The following DNAH11 variants were observed in gnomAD, a reference collection of about 807,000 sequenced individuals.
The protein encoded by DNAH11 is axonemal beta dynein heavy chain 11.
In DNAH11, 442 loss-of-function variants were observed where a neutral mutation model predicts 526.0. The ratio of observed to expected loss-of-function variants is 0.84; its 90% confidence interval spans 0.78 to 0.91. The LOEUF (loss-of-function observed/expected upper bound fraction) is 0.91. Among genes scored for constraint, DNAH11 ranks in the 40% least tolerant of loss-of-function variants. The pLI is 0.00. For missense variants in DNAH11, 6,989 were observed against 5,448.7 expected, an observed-to-expected ratio of 1.28 and a Z score of -8.90; for synonymous variants, 2,461 against 1,935.9, an observed-to-expected ratio of 1.27 and a Z score of -7.12.
At chr7:21,669,969 C>G (rs1313245977) in intron 30 of DNAH11, among the ~76,000 whole-genome samples, 1 of 151,964 alleles carries the variant, frequency 6.6e-6, no homozygotes, top group African/African-American at 2.4e-5. Flanking sequence ...TTATATATAC[C>G]TTCCAACTTT....
intron 56 of DNAH11, 34 bp from the exon 57 acceptor site, chr7:21,778,924 G>T: frequency 6.2e-7 from 1 of 1,605,532 alleles, no homozygotes; most frequent in Non-Finnish European, 8.5e-7. Context: ...TGTGAACAAG[G>T]CCAGTGACGT....
In DNAH11 at chr7:21,890,130, G is replaced by T. The variant is rs1409579951; in HGVS notation, c.12508-2295G>T. ...AAATTCTTATGGCCACAACCATTAG[G>T]TTGCTGTTATGAGCAATATTTTACT... On this transcript the variant is annotated intron_variant, in intron 76 of 81. Coordinates refer to ENST00000409508, the MANE Select transcript of DNAH11 (RefSeq NM_001277115.2). Among the ~76,000 whole-genome samples the T allele has an allele frequency of 2.0e-5, 3 of 152,150 alleles. No individual in the cohort carries two copies. The South Asian group carries it at 6.2e-4, about 31-fold the overall frequency.
rs192467007 is a variant in DNAH11 at position 21,687,037 on chromosome 7, C to G, written c.5622-62C>G. The G allele has an allele frequency of 6.3e-4, 940 of 1,503,238 alleles. 5 individuals carry two copies. In the African/African-American group the frequency reaches 0.012, roughly 19 times the overall value. 93.1% of individuals were successfully genotyped at this position (1,503,238 alleles called of 1,614,324 possible). On this transcript the variant is annotated intron_variant, in intron 32 of 81. Coordinates refer to ENST00000409508, the MANE Select transcript of DNAH11 (RefSeq NM_001277115.2). ...TTAAACTTTTTTTCTAATGTATTGCCTCTGATGTTTTATGAAAATCTCATA... is the reference window on the plus strand; with the variant it reads ...TTAAACTTTTTTTCTAATGTATTGCGTCTGATGTTTTATGAAAATCTCATA...
At chr7:21,661,576 A>G (rs1782244144) in intron 30 of DNAH11, among the ~76,000 whole-genome samples, 3 of 152,060 alleles carry the variant, frequency 2.0e-5, no homozygotes, top group African/African-American at 7.2e-5. Flanking sequence ...GATAATTTTA[A>G]GATTTCTTTC....
At chr7:21,886,320 C>A (rs1784122934) in intron 76 of DNAH11, among the ~76,000 whole-genome samples, 1 of 151,830 alleles carries the variant, frequency 6.6e-6, no homozygotes, top group Non-Finnish European at 1.5e-5. Flanking sequence ...TAAAATACAC[C>A]AGGAAAACAT....
intron 56 of DNAH11, 73 bp from the exon 57 acceptor site, chr7:21,778,885 C>G: frequency 6.5e-7 from 1 of 1,533,842 alleles, no homozygotes; most frequent in Non-Finnish European, 8.9e-7. Context: ...TGAATTCATT[C>G]CCAGCAATAA....
At chr7:21,552,465 AT>A (rs1156922572) in intron 2 of DNAH11, among the ~76,000 whole-genome samples, 1 of 152,148 alleles carries the variant, frequency 6.6e-6, no homozygotes, top group African/African-American at 2.4e-5. Flanking sequence ...TGTCCTAAAT[AT>A]TTAACTTCTT....
chr7:21,751,704 C>T (rs998869526), intron 54 of DNAH11, among the ~76,000 whole-genome samples: 11 of 152,276 alleles, frequency 7.2e-5, no homozygotes, highest in Admixed American at 4.6e-4. Context: ...GGAGCAGAGT[C>T]ATTAAGTTTC....
chr7:21,628,521 T>C (rs1246854108), intron 25 of DNAH11, among the ~76,000 whole-genome samples: 1 of 152,180 alleles, frequency 6.6e-6, no homozygotes, highest in Non-Finnish European at 1.5e-5. Flanking sequence ...TTTTATCAAA[T>C]GTCTTTTTGA....
Position 21,552,564 on chromosome 7 carries a change from C to T in DNAH11, c.496-6238C>T, listed in dbSNP as rs187687262. Among the ~76,000 whole-genome samples the T allele has an allele frequency of 1.3e-3, 202 of 152,256 alleles. 1 individual carries two copies. Among genetic ancestry groups the T allele is most frequent in the Middle Eastern group, 6.8e-3 (2 of 294 alleles). ...AAGCTTATGGTGGTTTCTGATACCT[C>T]GGCCCTCTTCTCCCCAGAAATTAAA... is the stretch of plus-strand genomic sequence containing the variant. On this transcript the variant is annotated intron_variant, in intron 2 of 81. Transcript: ENST00000409508.
intron 41 of DNAH11, among the ~76,000 whole-genome samples, chr7:21,711,407 A>G (rs1184504768): frequency 6.6e-6 from 1 of 152,214 alleles, no homozygotes; most frequent in Non-Finnish European, 1.5e-5. Context: ...TCTAAAGAAA[A>G]GTTTATGGTA....
chr7:21,697,787 T>C (rs774747830), intron 35 of DNAH11, among the ~76,000 whole-genome samples: 11 of 152,212 alleles, frequency 7.2e-5, no homozygotes, highest in Non-Finnish European at 1.2e-4. Context: ...TTCCTCTTTC[T>C]GCAGTGACAA....
At chr7:21,591,634 G>A (rs578040712) in intron 14 of DNAH11, 57 bp downstream of exon 14, 2 of 1,434,166 alleles carry the variant, frequency 1.4e-6, no homozygotes, top group South Asian at 1.8e-5. Context: ...TCAGAGAAGA[G>A]CAAAAATCTT....
chr7:21,679,158 C>T (rs1783036449), intron 30 of DNAH11, among the ~76,000 whole-genome samples: 1 of 151,890 alleles, frequency 6.6e-6, no homozygotes, highest in Non-Finnish European at 1.5e-5. Flanking sequence ...ACAAATACTG[C>T]ATAATCTCAC....
intron 61 of DNAH11, among the ~76,000 whole-genome samples, chr7:21,797,597 C>T (rs1788776748): frequency 6.6e-6 from 1 of 152,196 alleles, no homozygotes; most frequent in South Asian, 2.1e-4. Flanking sequence ...GACACTAGTG[C>T]TCCTTTCAAA....
intron 40 of DNAH11, among the ~76,000 whole-genome samples, chr7:21,710,166 TAAAC>T (rs770694495): frequency 6.6e-6 from 1 of 152,146 alleles, no homozygotes; most frequent in African/African-American, 2.4e-5. Flanking sequence ...ACAGGTGAAA[TAAAC>T]AAATATTTGA....
intron 79 of DNAH11, among the ~76,000 whole-genome samples, chr7:21,896,940 T>C (rs969730872): frequency 6.6e-6 from 1 of 152,126 alleles, no homozygotes; most frequent in African/African-American, 2.4e-5. Context: ...CCAGGTGTGG[T>C]GGCATGCGAC....
At chr7:21,705,582 T>C (rs1176119445) in intron 39 of DNAH11, 45 bp downstream of exon 39, 2 of 1,584,290 alleles carry the variant, frequency 1.3e-6, no homozygotes, top group South Asian at 2.2e-5. Flanking sequence ...AAAGAACATT[T>C]GTTGTCATTG....
intron 28 of DNAH11, 132 bp downstream of exon 28, chr7:21,639,197 A>C: frequency 8.8e-7 from 1 of 1,131,998 alleles, no homozygotes; most frequent in African/African-American, 1.6e-5. Context: ...TAAAATTTGT[A>C]ATGTAGCATC....
Sources: allele counts gnomAD v4.1 joint callset (sites outside exome capture counted in the v4.1 genomes callset), GRCh38; gene constraint gnomAD v4.1.1; transcripts MANE v1.5; gene names NCBI Gene and HGNC (gene_info 2026-07-23, HGNC 2026-07-21).